Variants in FAR1 observed in about 807,000 individuals in gnomAD.
The protein encoded by FAR1 is male sterility domain-containing protein 2.
Under a neutral mutation model 61.1 loss-of-function variants are expected in FAR1, and 22 were observed. The ratio of observed to expected loss-of-function variants is 0.36; its 90% CI spans 0.26 to 0.51. The LOEUF (loss-of-function observed/expected upper bound fraction) is 0.51. Ranked by LOEUF, FAR1 falls within the 20% of genes least tolerant of loss-of-function variation. FAR1 has a pLI of 0.95. For missense variants in FAR1, 359 were observed against 626.9 expected (o/e 0.57, Z 4.56); for synonymous variants, 206 against 209.7 (o/e 0.98, Z 0.15).
intron 1 of FAR1, among the ~76,000 whole-genome samples, chr11:13,684,342 A>G (rs562776668): frequency 2.6e-5 from 4 of 152,302 alleles, no homozygotes; most frequent in Non-Finnish European, 4.4e-5. Context: ...TTTTTAGACT[A>G]TTTCTGAAAT....
chr11:13,695,895 T>C (rs762364120), intron 2 of FAR1, among the ~76,000 whole-genome samples: 2 of 152,234 alleles, frequency 1.3e-5, no homozygotes, highest in Non-Finnish European at 2.9e-5. Context: ...TTTTTAATGA[T>C]GGGATGTAAG....
intron 2 of FAR1, among the ~76,000 whole-genome samples, chr11:13,695,572 A>C (rs770502464): frequency 9.2e-5 from 14 of 151,696 alleles, no homozygotes; most frequent in Admixed American, 2.0e-4. Flanking sequence ...ATAAATAGTA[A>C]GTTGAATCGG....
intron 10 of FAR1, among the ~76,000 whole-genome samples, chr11:13,726,898 G>C (rs1848672490): frequency 6.6e-6 from 1 of 151,866 alleles, no homozygotes; most frequent in South Asian, 2.1e-4. Flanking sequence ...TTTTAGATAA[G>C]TGATGGTATA....
At chr11:13,688,506 C>T (rs1184230218) in intron 1 of FAR1, among the ~76,000 whole-genome samples, 1 of 152,072 alleles carries the variant, frequency 6.6e-6, no homozygotes, top group East Asian at 1.9e-4. Flanking sequence ...TAGGGTTGAA[C>T]TCATCCCAGG....
rs186740572 is a variant in FAR1, at chr11:13,693,403, C to T, written c.-7-1356C>T. Among the ~76,000 whole-genome samples the T allele has an allele frequency of 5.9e-5, 9 of 152,318 alleles. No homozygotes were observed. In the East Asian group the frequency reaches 1.5e-3, roughly 26 times the overall value. The stretch of plus-strand genomic sequence containing the variant: ...GCTCTCTCCTGATCCACTGCCTCCT[C>T]CACCTTCGTTTGTGGATGTTTGGAG... On this transcript the variant is annotated intron_variant, in intron 1 of 11. Coordinates refer to ENST00000354817, the MANE Select transcript of FAR1 (RefSeq NM_032228.6).
At chr11:13,727,020 C>G (rs1848673829) in intron 10 of FAR1, among the ~76,000 whole-genome samples, 1 of 151,938 alleles carries the variant, frequency 6.6e-6, no homozygotes, top group South Asian at 2.1e-4. Context: ...GCTTTCTTTT[C>G]TGGATTTACC....
At chr11:13,710,351 TTAG>T (rs1409015536) in intron 4 of FAR1, among the ~76,000 whole-genome samples, 4 of 152,108 alleles carry the variant, frequency 2.6e-5, no homozygotes, top group Non-Finnish European at 5.9e-5. Flanking sequence ...TTGATCTGGG[TTAG>T]TATCCCTGAT....
Position 13,727,564 on chromosome 11 carries a change from T to C in FAR1, c.1266T>C (p.Asn422=). 6.2e-7 allele frequency: 1 copy of C among 1,603,140 alleles called. No individual in the cohort carries two copies. Among genetic ancestry groups the C allele is most frequent in the Non-Finnish European group, 8.5e-7 (1 of 1,174,804 alleles). ...QLNPEDKKTF[N]IDVRQLHWAE... is the part of the protein sequence containing the mutation. ...TTTTTTTGTTAACGTAGACCTTCAATATTGATGTACGGCAGTTACATTGGG... is the reference window on the plus strand; with the variant it reads ...TTTTTTTGTTAACGTAGACCTTCAACATTGATGTACGGCAGTTACATTGGG... Residue 422 remains asparagine (N), a synonymous_variant, in exon 11 of 12, where the codon AAT becomes AAC. Transcript: ENST00000354817.
chr11:13,708,160 A>C, intron 4 of FAR1, 81 bp downstream of exon 4: 1 of 978,190 alleles, frequency 1.0e-6, no homozygotes, highest in Non-Finnish European at 1.4e-6. Flanking sequence ...TCAGGAGTTC[A>C]AGAGCAGCCA....
At chr11:13,711,393 G>C (rs950937419) in intron 5 of FAR1, among the ~76,000 whole-genome samples, 1 of 152,074 alleles carries the variant, frequency 6.6e-6, no homozygotes, top group Middle Eastern at 3.2e-3. Flanking sequence ...TAATTTTGAG[G>C]AGGATTTACC....
chr11:13,700,651 C>CCCT (rs1555062313), intron 3 of FAR1, 159 bp downstream of exon 3: 1 of 369,308 alleles, frequency 2.7e-6, no homozygotes, highest in Non-Finnish European at 4.9e-6. Flanking sequence ...TAAAAGAATT[C>CCCT]TCTTCTTCTT....
rs113392477 is a variant in FAR1, at chr11:13,670,647, T to A, written c.-8+1841T>A. ...TCCACATAAATTTTCTGGAGTTTGA[T>A]TATGTATTAGGCTTGTTGGGAAATT... On this transcript the variant is annotated intron_variant, in intron 1 of 11. Coordinates refer to ENST00000354817, the MANE Select transcript of FAR1 (RefSeq NM_032228.6). Among the ~76,000 whole-genome samples the A allele has an allele frequency of 7.4e-4, 112 of 152,230 alleles. 1 individual carries two copies. The highest frequency in any genetic ancestry group is 3.7e-3 in the East Asian group (19 of 5,182).
At chr11:13,682,394 T>G (rs1475169139) in intron 1 of FAR1, among the ~76,000 whole-genome samples, 1 of 152,190 alleles carries the variant, frequency 6.6e-6, no homozygotes, top group Non-Finnish European at 1.5e-5. Flanking sequence ...CAAACTGTCT[T>G]CCTGTTTTTT....
intron 1 of FAR1, among the ~76,000 whole-genome samples, 173 bp downstream of exon 1, chr11:13,668,979 C>T (rs953371848): frequency 2.6e-5 from 4 of 152,168 alleles, no homozygotes; most frequent in Admixed American, 2.6e-4. Context: ...GCCCGCCTCA[C>T]CCCGGGTGGT....
In FAR1 at chr11:13,721,926, C is replaced by T; in HGVS notation, c.1257+67C>T. 1 of 1,321,582 alleles carries T rather than the reference C, an allele frequency of 7.6e-7. No individual in the cohort carries two copies. Among genetic ancestry groups the T allele is most frequent in the Non-Finnish European group, 1.0e-6 (1 of 965,340 alleles). 81.9% of individuals were successfully genotyped at this position (1,321,582 alleles called of 1,614,324 possible). A position where few individuals can be genotyped will look rare whatever the true frequency, so the allele number is the denominator to read the frequency against. On this transcript the variant is annotated intron_variant, in intron 10 of 11. Coordinates refer to ENST00000354817, the MANE Select transcript of FAR1 (RefSeq NM_032228.6). The surrounding 1 kb of genome is among the most constrained non-coding windows in gnomAD (Gnocchi z 4.2). ...ATACTAATTACAGAACTATTAGCAA[C>T]CTGAGAAATATTTTCCACAGCTATT...
rs1330792831 is a variant in FAR1 at position 13,723,403 on chromosome 11, TA to T, written c.1257+1545del. On this transcript the variant is annotated intron_variant, in intron 10 of 11. Coordinates refer to ENST00000354817, the MANE Select transcript of FAR1 (RefSeq NM_032228.6). ...AAAAAACCCCAAAAAAAAACTTTTT[TA>T]TTTATATTCTGTCTTACATTTTTGC... The T allele has an allele frequency of 1.6e-4, 68 of 418,608 alleles. 1 individual carries two copies. The highest frequency in any genetic ancestry group is 1.3e-3 in the African/African-American group (60 of 47,270). 25.9% of individuals were successfully genotyped at this position (418,608 alleles called of 1,614,324 possible).
intron 1 of FAR1, among the ~76,000 whole-genome samples, chr11:13,680,975 G>A (rs1333290914): frequency 2.6e-5 from 4 of 152,168 alleles, no homozygotes; most frequent in East Asian, 1.9e-4. Context: ...TACTTAGCTC[G>A]AGGCTTCTTC....
chr11:13,717,628 G>A (rs867649468), intron 9 of FAR1, among the ~76,000 whole-genome samples: 1 of 152,144 alleles, frequency 6.6e-6, no homozygotes, highest in Non-Finnish European at 1.5e-5. Context: ...CCCATGAAAG[G>A]TTAGGGGATC....
intron 4 of FAR1, among the ~76,000 whole-genome samples, chr11:13,708,339 C>T (rs1848456598): frequency 2.0e-5 from 3 of 151,590 alleles, no homozygotes; most frequent in Non-Finnish European, 1.5e-5. Flanking sequence ...ACCTGGGCAA[C>T]ACAGTGAAAC....
Sources: allele counts gnomAD v4.1 joint callset (sites outside exome capture counted in the v4.1 genomes callset), GRCh38; gene constraint gnomAD v4.1.1; non-coding constraint Gnocchi (gnomAD v3.1); transcripts MANE v1.5; gene names NCBI Gene and HGNC (gene_info 2026-07-23, HGNC 2026-07-21).